Variants in BICRAL observed in about 807,000 individuals in gnomAD.
The protein encoded by BICRAL is BICRA like chromatin remodeling complex associated protein, also known as BRD4-interacting chromatin-remodeling complex-associated protein-like.
BICRAL carries 8 observed loss-of-function variants against 91.8 expected under a neutral mutation model. The observed-to-expected ratio is 0.09, with a 90% confidence interval of 0.05 to 0.16. BICRAL has a LOEUF of 0.16. BICRAL is among the 10% of genes least tolerant of loss of function. BICRAL has a pLI of 1.00. For synonymous variants in BICRAL, 445 were observed against 491.1 expected, an observed-to-expected ratio of 0.91 and a Z score of 1.24; for missense variants, 1,038 against 1,310.9, an observed-to-expected ratio of 0.79 and a Z score of 3.21.
At chr6:42,845,813 C>G (rs902131665) in intron 6 of BICRAL, among the ~76,000 whole-genome samples, 2 of 151,364 alleles carry the variant, frequency 1.3e-5, no homozygotes, top group African/African-American at 4.9e-5. Flanking sequence ...CTTATAATCC[C>G]AGCACTTTGG....
chr6:42,776,425 A>G (rs1049778776), intron 1 of BICRAL, among the ~76,000 whole-genome samples: 7 of 151,524 alleles, frequency 4.6e-5, no homozygotes, highest in Non-Finnish European at 1.0e-4. Context: ...ATGGCTCACT[A>G]CAGACTCAAC....
chr6:42,770,882 G>C (rs562969882), intron 1 of BICRAL, among the ~76,000 whole-genome samples: 2 of 151,376 alleles, frequency 1.3e-5, no homozygotes, highest in Admixed American at 6.6e-5. Context: ...GTAGAGACGG[G>C]GTTTCACCAC....
At chr6:42,768,599 C>T (rs562403494) in intron 1 of BICRAL, among the ~76,000 whole-genome samples, 3 of 152,302 alleles carry the variant, frequency 2.0e-5, no homozygotes, top group Admixed American at 2.0e-4. Flanking sequence ...TATTCCAACT[C>T]CAAAGCTAGA....
At chr6:42,753,376 A>G (rs1582797029) in intron 1 of BICRAL, among the ~76,000 whole-genome samples, 1 of 151,778 alleles carries the variant, frequency 6.6e-6, no homozygotes, top group Admixed American at 6.6e-5. Flanking sequence ...TCATTGCTAT[A>G]AAAGAAAGAG....
chr6:42,828,178 C>T (rs778301592), intron 5 of BICRAL, among the ~76,000 whole-genome samples: 5 of 152,016 alleles, frequency 3.3e-5, no homozygotes, highest in Admixed American at 6.6e-5. Context: ...CTTTGGGAGG[C>T]CGAGGCGGGC....
intron 10 of BICRAL, among the ~76,000 whole-genome samples, chr6:42,858,941 T>A (rs1765470618): frequency 6.6e-6 from 1 of 152,128 alleles, no homozygotes; most frequent in Non-Finnish European, 1.5e-5. Context: ...CCTGGCTGTA[T>A]CAGTGCCCTC....
chr6:42,862,325 A>T (rs77334504), intron 11 of BICRAL, among the ~76,000 whole-genome samples, 185 bp from the exon 12 acceptor site: 14,697 of 152,132 alleles, frequency 0.097, 1,079 homozygotes, highest in African/African-American at 0.19. Context: ...AGGCAGGCAG[A>T]TGCCTCCAGG....
At chr6:42,843,172 A>ATTTATT (rs1350236669) in intron 6 of BICRAL, among the ~76,000 whole-genome samples, 1 of 128,962 alleles carries the variant, frequency 7.8e-6, no homozygotes, top group Non-Finnish European at 1.7e-5. Context: ...TATTTTAAGC[A>ATTTATT]TGTGCTAGGA....
At chr6:42,819,592 C>T (rs1190520085) in intron 2 of BICRAL, among the ~76,000 whole-genome samples, 4 of 152,170 alleles carry the variant, frequency 2.6e-5, no homozygotes, top group Admixed American at 2.0e-4. Flanking sequence ...GGCCTATCTT[C>T]TCATTTTAAA....
intron 6 of BICRAL, among the ~76,000 whole-genome samples, chr6:42,847,626 A>G (rs1022832957): frequency 2.0e-5 from 3 of 150,616 alleles, no homozygotes; most frequent in African/African-American, 7.4e-5. Context: ...AAAAAATTAA[A>G]AAATTAGCCA....
At chr6:42,817,557 C>A (rs1764027404) in intron 2 of BICRAL, among the ~76,000 whole-genome samples, 1 of 151,542 alleles carries the variant, frequency 6.6e-6, no homozygotes, top group Non-Finnish European at 1.5e-5. Context: ...CTCACTGCAG[C>A]CTTGACCTCC....
chr6:42,772,778 G>A (rs1762756060), intron 1 of BICRAL, among the ~76,000 whole-genome samples: 1 of 152,150 alleles, frequency 6.6e-6, no homozygotes, highest in Admixed American at 6.5e-5. Flanking sequence ...GCAATAGGCG[G>A]ACCTGAATTC....
chr6:42,848,807 A>T lies in BICRAL; in HGVS notation c.1840-3285A>T, dbSNP rs560244838. 5.3e-5 allele frequency among the ~76,000 whole-genome samples: 8 copies of T among 152,326 alleles called. No homozygotes were observed. In the South Asian group the frequency reaches 1.7e-3, roughly 32 times the overall value. Reference sequence around the variant, plus strand: ...AGTGACCCAGGATTGCCACAGAGTGAGACCCTGTCTCAAAACAAACAAACA... The same window carrying T: ...AGTGACCCAGGATTGCCACAGAGTGTGACCCTGTCTCAAAACAAACAAACA... On this transcript the variant is annotated intron_variant, in intron 6 of 12. Coordinates refer to ENST00000314073, the MANE Select transcript of BICRAL (RefSeq NM_001393499.1).
chr6:42,766,450 C>T (rs1224224522), intron 1 of BICRAL, among the ~76,000 whole-genome samples: 2 of 152,232 alleles, frequency 1.3e-5, no homozygotes, highest in Admixed American at 1.3e-4. Context: ...AACACGCAAA[C>T]TGGCTAACTG....
intron 1 of BICRAL, among the ~76,000 whole-genome samples, chr6:42,773,577 C>G (rs1481576024): frequency 6.6e-6 from 1 of 152,076 alleles, no homozygotes; most frequent in Non-Finnish European, 1.5e-5. Flanking sequence ...TGCAATGGCA[C>G]AATCTCAGCT....
At chr6:42,836,233 A>G (rs1156270522) in intron 6 of BICRAL, among the ~76,000 whole-genome samples, 1 of 152,202 alleles carries the variant, frequency 6.6e-6, no homozygotes, top group African/African-American at 2.4e-5. Context: ...TAATTAAGCA[A>G]TCATCCATAG....
intron 1 of BICRAL, among the ~76,000 whole-genome samples, chr6:42,796,472 G>A (rs559283939): frequency 2.0e-5 from 3 of 152,282 alleles, no homozygotes; most frequent in East Asian, 1.9e-4. Context: ...AGAACATTAC[G>A]GGTGTTCACA....
chr6:42,819,599 T>A (rs1471854214), intron 2 of BICRAL, among the ~76,000 whole-genome samples: 1 of 152,256 alleles, frequency 6.6e-6, no homozygotes, highest in African/African-American at 2.4e-5. Flanking sequence ...CTTCTCATTT[T>A]AAAATCATAG....
At position 42,843,134 on chromosome 6, in the gene BICRAL, C is replaced by T. The variant is rs528607192; in HGVS notation, c.1840-8958C>T. Among the ~76,000 whole-genome samples, 6 of 151,882 alleles carry T rather than the reference C, an allele frequency of 4.0e-5. No individual in the cohort carries two copies. The South Asian group carries it at 1.0e-3, about 26-fold the overall frequency. ...CCTCCCAAAGTGCTGGGATTACAGA[C>T]GTGAGCCACTGCGCCCAGGCAACAC... On this transcript the variant is annotated intron_variant, in intron 6 of 12. Coordinates refer to ENST00000314073, the MANE Select transcript of BICRAL (RefSeq NM_001393499.1).
Sources: gnomAD v4.1 joint callset for allele counts (sites outside exome capture counted in the v4.1 genomes callset) on GRCh38, gnomAD v4.1.1 for gene constraint, MANE v1.5 for transcripts, NCBI Gene and HGNC (gene_info 2026-07-23, HGNC 2026-07-21) for gene names.